Variants in IL1RAPL1 observed in about 807,000 individuals in gnomAD.
IL1RAPL1 encodes interleukin-1 receptor accessory protein-like 1.
Under a neutral mutation model 48.4 loss-of-function variants are expected in IL1RAPL1, and 3 were observed. That is an observed-to-expected ratio of 0.06 (90% confidence interval 0.03 to 0.16). The LOEUF (loss-of-function observed/expected upper bound fraction) is 0.16. IL1RAPL1 is among the 10% of genes least tolerant of loss of function. IL1RAPL1 has a pLI of 1.00. For synonymous variants in IL1RAPL1, 185 were observed against 187.7 expected (o/e 0.99, Z 0.12); for missense variants, 349 against 530.6 (o/e 0.66, Z 3.36).
At chrX:29,665,965 T>C (rs1263631756) in intron 5 of IL1RAPL1, among the ~76,000 whole-genome samples, 1 of 111,412 alleles carries the variant, frequency 9.0e-6, no homozygotes, top group Non-Finnish European at 1.9e-5. Context: ...TAACAAAGAA[T>C]GGGGAGGAAA....
At chrX:29,439,447 G>C (rs183853489) in intron 5 of IL1RAPL1, among the ~76,000 whole-genome samples, 1 of 111,520 alleles carries the variant, frequency 9.0e-6, no homozygotes, top group Non-Finnish European at 1.9e-5. Context: ...AAGCTAATGC[G>C]TTAAAGGTAT....
chrX:29,866,343 C>G (rs1931695457), intron 6 of IL1RAPL1, among the ~76,000 whole-genome samples: 1 of 111,154 alleles, frequency 9.0e-6, no homozygotes, highest in African/African-American at 3.3e-5. Flanking sequence ...TCTGGTTGCA[C>G]AAGACAGGAA....
intron 2 of IL1RAPL1, among the ~76,000 whole-genome samples, chrX:28,826,860 GTAGTAATA>G (rs771775490): frequency 1.3e-4 from 14 of 111,008 alleles, no homozygotes; most frequent in Non-Finnish European, 2.3e-4. Flanking sequence ...CTACACCATA[GTAGTAATA>G]TAGGGAGAGA....
intron 2 of IL1RAPL1, among the ~76,000 whole-genome samples, chrX:28,883,069 T>G (rs1483492426): frequency 9.0e-6 from 1 of 111,358 alleles, no homozygotes; most frequent in East Asian, 2.8e-4. Context: ...AATAGACTCC[T>G]ATAACTTTAT....
chrX:29,480,285 C>CATATATATAT (rs1180845228), intron 5 of IL1RAPL1, among the ~76,000 whole-genome samples: 25 of 56,682 alleles, frequency 4.4e-4, no homozygotes, highest in African/African-American at 2.5e-3. Context: ...TATACACACA[C>CATATATATAT]ATATACATAT....
chrX:29,782,092 G>GTCTA lies in IL1RAPL1; in HGVS notation c.778+113591_778+113592insATCT, dbSNP rs1268932298. ...TCCATATCTATCTGTCTGTCTGTCT[G>GTCTA]TCTGTCTGTCTATCTATCTATCTAT... On this transcript the variant is annotated intron_variant, in intron 6 of 10. Transcript: ENST00000378993. 5.5e-3 allele frequency among the ~76,000 whole-genome samples: 407 copies of GTCTA among 74,217 alleles called. 3 individuals carry two copies. Among genetic ancestry groups the GTCTA allele is most frequent in the African/African-American group, 0.011 (251 of 22,113 alleles). 64.4% of individuals were successfully genotyped at this position (74,217 alleles called of 115,157 possible).
At chrX:29,449,075 T>C (rs1934644853) in intron 5 of IL1RAPL1, among the ~76,000 whole-genome samples, 1 of 111,313 alleles carries the variant, frequency 9.0e-6, no homozygotes, top group African/African-American at 3.3e-5. Flanking sequence ...AGGGAACATA[T>C]TCAGTCCATA....
intron 2 of IL1RAPL1, among the ~76,000 whole-genome samples, chrX:29,260,754 A>G (rs1931841001): frequency 9.0e-6 from 1 of 110,973 alleles, no homozygotes; most frequent in African/African-American, 3.3e-5. Flanking sequence ...ATGGATTTTA[A>G]TAAAAGATGA....
intron 6 of IL1RAPL1, among the ~76,000 whole-genome samples, chrX:29,827,991 C>T (rs1308834689): frequency 8.9e-6 from 1 of 111,892 alleles, no homozygotes; most frequent in East Asian, 2.8e-4. Flanking sequence ...AGAGAGCCTC[C>T]AAGTTGTCTA....
intron 2 of IL1RAPL1, among the ~76,000 whole-genome samples, chrX:28,945,347 A>G (rs992803334): frequency 1.8e-5 from 2 of 111,538 alleles, no homozygotes; most frequent in Non-Finnish European, 3.8e-5. Context: ...CATGGAACCA[A>G]TCCAAATGCC....
intron 5 of IL1RAPL1, among the ~76,000 whole-genome samples, chrX:29,612,660 T>C (rs1924132481): frequency 9.0e-6 from 1 of 111,677 alleles, no homozygotes; most frequent in Non-Finnish European, 1.9e-5. Flanking sequence ...ATAAGAAAGT[T>C]TTTAGTGTGT....
At chrX:29,222,944 A>G (rs1931010327) in intron 2 of IL1RAPL1, among the ~76,000 whole-genome samples, 1 of 111,319 alleles carries the variant, frequency 9.0e-6, no homozygotes, top group Admixed American at 9.6e-5. Flanking sequence ...AAATAAAACC[A>G]TCCCTCCTGT....
chrX:29,031,746 A>G (rs991346415), intron 2 of IL1RAPL1, among the ~76,000 whole-genome samples: 5 of 111,407 alleles, frequency 4.5e-5, no homozygotes, highest in Admixed American at 9.6e-5. Flanking sequence ...GCATCCTTTC[A>G]TACAATCATA....
At chrX:28,642,376 A>C (rs1315497208) in intron 1 of IL1RAPL1, among the ~76,000 whole-genome samples, 1 of 112,164 alleles carries the variant, frequency 8.9e-6, no homozygotes, top group Admixed American at 9.5e-5. Context: ...TCAGTACCAC[A>C]TCGCAGTTAT....
At chrX:29,949,895 A>C (rs938455452) in intron 9 of IL1RAPL1, among the ~76,000 whole-genome samples, 10 of 112,329 alleles carry the variant, frequency 8.9e-5, no homozygotes, top group African/African-American at 3.2e-4. Flanking sequence ...ATTTTGAGTC[A>C]AAAAACATTG....
intron 5 of IL1RAPL1, among the ~76,000 whole-genome samples, chrX:29,628,311 C>G (rs183202024): frequency 7.8e-4 from 87 of 111,870 alleles, no homozygotes; most frequent in Admixed American, 4.0e-3. Context: ...AATAGGATGG[C>G]CATCAGAGAA....
chrX:29,672,127 T>C (rs1389159788), intron 6 of IL1RAPL1, among the ~76,000 whole-genome samples: 1 of 111,924 alleles, frequency 8.9e-6, no homozygotes, highest in Non-Finnish European at 1.9e-5. Flanking sequence ...TGCTGGAAAT[T>C]TGAATTCTTC....
chrX:29,552,802 CTT>C (rs765234944), intron 5 of IL1RAPL1, among the ~76,000 whole-genome samples: 31 of 23,012 alleles, frequency 1.3e-3, no homozygotes, highest in African/African-American at 5.0e-3. Flanking sequence ...TTTCACTCTC[CTT>C]TTTTTTTTTT....
intron 1 of IL1RAPL1, among the ~76,000 whole-genome samples, chrX:28,614,978 T>G (rs1934195187): frequency 9.0e-6 from 1 of 110,592 alleles, no homozygotes; most frequent in Non-Finnish European, 1.9e-5. Context: ...AAGCTCCGCC[T>G]CCCGGCTTCA....
Sources: allele counts gnomAD v4.1 joint callset (sites outside exome capture counted in the v4.1 genomes callset), GRCh38; gene constraint gnomAD v4.1.1; transcripts MANE v1.5; gene names NCBI Gene and HGNC (gene_info 2026-07-23, HGNC 2026-07-21).